Variants in TRHDE observed in about 807,000 individuals in gnomAD.
The protein encoded by TRHDE is thyrotropin-releasing hormone-degrading ectoenzyme.
A neutral mutation model predicts 125.7 loss-of-function variants in TRHDE; 72 were observed. The observed-to-expected ratio is 0.57, with a 90% CI of 0.47 to 0.70. The LOEUF (loss-of-function observed/expected upper bound fraction) is 0.70, where lower values mean the gene tolerates loss of function less well. Among genes scored for constraint, TRHDE ranks in the 30% least tolerant of loss-of-function variants. TRHDE has a pLI of 0.00. For synonymous variants in TRHDE, 509 were observed against 509.1 expected, an observed-to-expected ratio of 1.00 and a Z score of 0.00; for missense variants, 1,110 against 1,327.1, an observed-to-expected ratio of 0.84 and a Z score of 2.54.
At position 72,273,135 on chromosome 12, in the gene TRHDE, C is replaced by A; in HGVS notation, c.492C>A (p.Thr164=). 1.3e-6 allele frequency: 2 copies of A among 1,553,576 alleles called. No individual in the cohort carries two copies. The highest frequency in any genetic ancestry group is 1.7e-6 in the Non-Finnish European group (2 of 1,149,638). The part of the protein sequence containing the change: ...PEAGGVASPG[T]TSAQPPSEEE... ...CGGGTGGGGTGGCCAGTCCGGGGAC[C>A]ACGTCGGCCCAGCCGCCGTCGGAGG... Residue 164 remains threonine (T), a synonymous_variant, in exon 1 of 19, where the codon ACC becomes ACA. Coordinates refer to ENST00000261180, the MANE Select transcript of TRHDE (RefSeq NM_013381.3). This position sits in a 1 kb window ranked among gnomAD's most constrained non-coding sequence, Gnocchi z 5.3.
chr12:72,574,013 A>T (rs1021659483), intron 10 of TRHDE, among the ~76,000 whole-genome samples: 25 of 152,010 alleles, frequency 1.6e-4, no homozygotes, highest in African/African-American at 4.3e-4. Context: ...CTGCAGATTT[A>T]AAAAAATTGA....
rs566370865 is a variant in TRHDE, at chr12:72,437,186, A to C, written c.1316-32572A>C. ...GCAATGATAATAAAAGTATCTTCTT[A>C]TTAATTTGGGTTTTGAGGATTAAAT... On this transcript the variant is annotated intron_variant, in intron 3 of 18. Coordinates refer to ENST00000261180, the MANE Select transcript of TRHDE (RefSeq NM_013381.3). Among the ~76,000 whole-genome samples, 56 of 151,954 alleles carry C rather than the reference A, an allele frequency of 3.7e-4. 2 individuals carry two copies. In the South Asian group the frequency reaches 0.011, roughly 31 times the overall value.
rs545234946 is a variant in TRHDE at position 72,134,399 on chromosome 12, G to A, written n.279+28647G>A. ...GAAAGGAGCATAAGAAGTAGGATAA[G>A]GAAGAATGAGATACATGGAAAAATC... On this transcript the variant is annotated intron_variant and non_coding_transcript_variant, in intron 2 of 4. Transcript: ENST00000548156. Among the ~76,000 whole-genome samples the A allele has an allele frequency of 2.0e-5, 3 of 152,218 alleles. No homozygotes were observed. In the South Asian group the frequency reaches 6.2e-4, roughly 32 times the overall value.
chr12:72,560,133 T>TA (rs1870111245), intron 7 of TRHDE, among the ~76,000 whole-genome samples: 1 of 151,942 alleles, frequency 6.6e-6, no homozygotes, highest in African/African-American at 2.4e-5. Context: ...AGGGAAACTT[T>TA]AAAAAAAGTT....
chr12:72,589,990 A>AT (rs1423661217), intron 12 of TRHDE, among the ~76,000 whole-genome samples: 1 of 151,696 alleles, frequency 6.6e-6, no homozygotes, highest in African/African-American at 2.4e-5. Flanking sequence ...TGATTGAGAT[A>AT]TTTTTTCTTT....
At chr12:72,505,193 T>TA (rs1592496065) in intron 6 of TRHDE, among the ~76,000 whole-genome samples, 1 of 152,018 alleles carries the variant, frequency 6.6e-6, no homozygotes, top group African/African-American at 2.4e-5. Flanking sequence ...ATTAAAAGAA[T>TA]AAAAAACTCC....
chr12:72,415,190 A>C (rs1873679587), intron 3 of TRHDE, among the ~76,000 whole-genome samples: 1 of 152,140 alleles, frequency 6.6e-6, no homozygotes, highest in Non-Finnish European at 1.5e-5. Context: ...GCTGCAGTTC[A>C]TTAATGTATT....
In TRHDE at chr12:72,492,180, T is replaced by G. The variant is rs550950473; in HGVS notation, c.1585-7318T>G. Among the ~76,000 whole-genome samples the G allele has an allele frequency of 2.0e-5, 3 of 152,074 alleles. No homozygotes were observed. The South Asian group carries it at 6.2e-4, about 32-fold the overall frequency. ...ACACATGAGATTTTGAAATGTTAAT[T>G]TTTAAAGTGCATTGGTATATGGAAG... is the stretch of plus-strand genomic sequence containing the variant. On this transcript the variant is annotated intron_variant, in intron 5 of 18. Coordinates refer to ENST00000261180, the MANE Select transcript of TRHDE (RefSeq NM_013381.3).
At chr12:72,136,586 G>A (rs1875991072) in intron 2 of TRHDE, among the ~76,000 whole-genome samples, 3 of 152,172 alleles carry the variant, frequency 2.0e-5, no homozygotes, top group Non-Finnish European at 4.4e-5. Context: ...TCATAGTTTG[G>A]GATTGGATAA....
At chr12:72,653,448 C>T (rs1023367828) in intron 17 of TRHDE, among the ~76,000 whole-genome samples, 1 of 152,022 alleles carries the variant, frequency 6.6e-6, no homozygotes, top group Admixed American at 6.6e-5. Flanking sequence ...GTTGAAGACA[C>T]TGTATCATAA....
intron 15 of TRHDE, among the ~76,000 whole-genome samples, chr12:72,651,151 C>T (rs940946712): frequency 2.6e-5 from 4 of 152,056 alleles, no homozygotes; most frequent in South Asian, 2.1e-4. Context: ...ATTAAAGTAA[C>T]GTTTCTCCAA....
upstream of TRHDE, chr12:72,271,705 C>T (rs113753053): frequency 2.5e-4 from 88 of 350,822 alleles, no homozygotes; most frequent in African/African-American, 1.1e-3. Flanking sequence ...GCAATCTAAA[C>T]CCGAAGCCTG....
At chr12:72,417,256 T>A (rs567869710) in intron 3 of TRHDE, among the ~76,000 whole-genome samples, 1 of 152,182 alleles carries the variant, frequency 6.6e-6, no homozygotes, top group South Asian at 2.1e-4. Flanking sequence ...AGTGTAGTAA[T>A]CACAAACAGG....
chr12:72,250,053 G>T lies in TRHDE; in HGVS notation n.280-127942G>T, dbSNP rs550021607. Among the ~76,000 whole-genome samples the T allele has an allele frequency of 2.0e-5, 3 of 152,214 alleles. No individual in the cohort carries two copies. The South Asian group carries it at 6.2e-4, about 32-fold the overall frequency. On this transcript the variant is annotated intron_variant and non_coding_transcript_variant, in intron 2 of 4. Coordinates refer to the TRHDE transcript ENST00000548156. ...AATTTAAAGAAGCCAGATGACAAAA[G>T]AATATTCACTTTTGCTTTCACTTAA...
intron 3 of TRHDE, among the ~76,000 whole-genome samples, chr12:72,426,664 A>G (rs906617258): frequency 6.6e-6 from 1 of 151,900 alleles, no homozygotes; most frequent in Non-Finnish European, 1.5e-5. Context: ...GAGGGCCTTT[A>G]TATGTTAGGT....
chr12:72,397,379 A>G (rs1012701781), intron 3 of TRHDE, among the ~76,000 whole-genome samples: 11 of 152,178 alleles, frequency 7.2e-5, no homozygotes, highest in Non-Finnish European at 1.5e-4. Flanking sequence ...GAACTTTTGC[A>G]ACTTTTCCTA....
At chr12:72,659,805 A>G (rs1188805783) in intron 18 of TRHDE, among the ~76,000 whole-genome samples, 1 of 152,184 alleles carries the variant, frequency 6.6e-6, no homozygotes, top group East Asian at 1.9e-4. Context: ...GTATAGTTAG[A>G]AAACACAATT....
At position 72,493,481 on chromosome 12, in the gene TRHDE, T is replaced by G. The variant is rs556294916; in HGVS notation, c.1585-6017T>G. Among the ~76,000 whole-genome samples, 562 of 152,036 alleles carry G rather than the reference T, an allele frequency of 3.7e-3. 2 individuals carry two copies. The highest frequency in any genetic ancestry group is 6.8e-3 in the Middle Eastern group (2 of 294). On this transcript the variant is annotated intron_variant, in intron 5 of 18. Coordinates refer to ENST00000261180, the MANE Select transcript of TRHDE (RefSeq NM_013381.3). Reference sequence around the variant, plus strand: ...AAGGTAAAGCACATATTGTGTGCCATTTGTGCACAATTATGCAATGTTGTC... The same window carrying G: ...AAGGTAAAGCACATATTGTGTGCCAGTTGTGCACAATTATGCAATGTTGTC...
At chr12:72,211,346 T>C (rs1473479271) in intron 2 of TRHDE, among the ~76,000 whole-genome samples, 1 of 152,182 alleles carries the variant, frequency 6.6e-6, no homozygotes, top group African/African-American at 2.4e-5. Flanking sequence ...GAAAAATATA[T>C]ACTGTGCAAA....
Sources: allele counts gnomAD v4.1 joint callset (sites outside exome capture counted in the v4.1 genomes callset), GRCh38; gene constraint gnomAD v4.1.1; non-coding constraint Gnocchi (gnomAD v3.1); transcripts MANE v1.5; gene names NCBI Gene and HGNC (gene_info 2026-07-23, HGNC 2026-07-21).